The following ANKRD11 variants were observed in gnomAD, a reference collection of about 807,000 sequenced individuals.
ANKRD11 encodes the protein ankyrin repeat domain-containing protein 11.
In ANKRD11, 17 loss-of-function variants were observed where a neutral mutation model predicts 195.7. The observed-to-expected ratio is 0.09, with a 90% CI of 0.06 to 0.13. The LOEUF (loss-of-function observed/expected upper bound fraction) is 0.13, where lower values mean the gene tolerates loss of function less well. Among genes scored for constraint, ANKRD11 ranks in the 10% least tolerant of loss-of-function variants. ANKRD11 has a pLI of 1.00. For missense variants in ANKRD11, 3,735 were observed against 3,566.1 expected (o/e 1.05, Z -1.21); for synonymous variants, 1,953 against 1,528.1 (o/e 1.28, Z -6.49).
chr16:89,423,549 T>C (rs1190754260), intron 1 of ANKRD11, among the ~76,000 whole-genome samples: 1 of 152,234 alleles, frequency 6.6e-6, no homozygotes, highest in African/African-American at 2.4e-5. Context: ...AGGCATGAGA[T>C]GTGTGGTTAG....
chr16:89,322,640 A>G (rs1001994237), intron 2 of ANKRD11, among the ~76,000 whole-genome samples: 3 of 152,174 alleles, frequency 2.0e-5, no homozygotes, highest in African/African-American at 4.8e-5. Context: ...GACAGGATCA[A>G]ACACCAAAGG....
chr16:89,268,779 G>C, intron 12 of ANKRD11, 116 bp from the exon 13 acceptor site: 2 of 1,231,786 alleles, frequency 1.6e-6, no homozygotes, highest in Non-Finnish European at 2.3e-6. Context: ...ACCTACCCTG[G>C]TATGGGCCAG....
At chr16:89,422,872 C>T (rs950192870) in intron 1 of ANKRD11, among the ~76,000 whole-genome samples, 1 of 152,198 alleles carries the variant, frequency 6.6e-6, no homozygotes, top group Non-Finnish European at 1.5e-5. Context: ...ACTTTAATCA[C>T]TTTTTTCTTT....
At chr16:89,271,112 C>A (rs915358807) in intron 11 of ANKRD11, 2 of 624,096 alleles carry the variant, frequency 3.2e-6, no homozygotes, top group Admixed American at 4.4e-5. Flanking sequence ...CTAAAATGCG[C>A]GTGGAGGCAG....
intron 2 of ANKRD11, among the ~76,000 whole-genome samples, chr16:89,371,047 A>T (rs2040170402): frequency 6.6e-6 from 1 of 152,170 alleles, no homozygotes; most frequent in African/African-American, 2.4e-5. Context: ...GCCCCGTCTC[A>T]TGACGAAGGG....
chr16:89,373,479 C>T (rs1275765457), intron 2 of ANKRD11: 2 of 152,312 alleles, frequency 1.3e-5, no homozygotes, highest in Non-Finnish European at 2.9e-5. Context: ...TCCTTCGAGC[C>T]GTGCACGGCC....
chr16:89,322,687 G>A (rs1402689386), intron 2 of ANKRD11, among the ~76,000 whole-genome samples: 2 of 150,804 alleles, frequency 1.3e-5, no homozygotes, highest in Non-Finnish European at 1.5e-5. Context: ...GGAGGGTGGG[G>A]AAGGGGGAGT....
At chr16:89,465,250 G>C (rs1475476583) in intron 1 of ANKRD11, among the ~76,000 whole-genome samples, 2 of 152,138 alleles carry the variant, frequency 1.3e-5, no homozygotes, top group Non-Finnish European at 2.9e-5. Context: ...TATTAAAAGA[G>C]CTTCAAGATG....
chr16:89,268,320 G>A lies in ANKRD11; in HGVS notation c.*158C>T, dbSNP rs373649971. The stretch of plus-strand genomic sequence containing the variant: ...TTTCACCTCCCCGACGTCTGGACCA[G>A]TCTGGAAGGGATGGAGGCGCTGTGG... On this transcript the variant is annotated 3_prime_UTR_variant, in exon 13 of 13. Coordinates refer to ENST00000301030, the MANE Select transcript of ANKRD11 (RefSeq NM_013275.6). 2,993 of 436,626 alleles carry A rather than the reference G, an allele frequency of 6.9e-3. 141 individuals are homozygous for A. In the African/African-American group the frequency reaches 0.1, roughly 15 times the overall value. The allele number at this position is 436,626 out of a possible 1,614,324, so 27.0% of individuals were successfully genotyped here.
At chr16:89,438,522 G>GGGT (rs1449341717) in intron 1 of ANKRD11, among the ~76,000 whole-genome samples, 2 of 152,054 alleles carry the variant, frequency 1.3e-5, no homozygotes, top group Non-Finnish European at 2.9e-5. Flanking sequence ...AGTAGATACA[G>GGGT]GGTTTCACTA....
intron 1 of ANKRD11, among the ~76,000 whole-genome samples, chr16:89,489,634 G>C (rs1185656822): frequency 6.6e-6 from 1 of 151,960 alleles, no homozygotes; most frequent in Non-Finnish European, 1.5e-5. Context: ...CCCTCTCGCG[G>C]GTCAGAGGTC....
chr16:89,375,216 T>G (rs1597830431), intron 2 of ANKRD11, among the ~76,000 whole-genome samples: 2 of 152,224 alleles, frequency 1.3e-5, no homozygotes, highest in East Asian at 3.9e-4. Context: ...GGTATCCGCT[T>G]AAAACACCGT....
At chr16:89,368,402 T>TA (rs2040047220) in intron 2 of ANKRD11, among the ~76,000 whole-genome samples, 1 of 94,764 alleles carries the variant, frequency 1.1e-5, no homozygotes, top group African/African-American at 4.0e-5. Context: ...TTTTTTTTTT[T>TA]AGTAGAGATG....
chr16:89,298,451 T>C (rs1450386441), intron 4 of ANKRD11: 1 of 152,306 alleles, frequency 6.6e-6, no homozygotes, highest in Non-Finnish European at 1.5e-5. Flanking sequence ...CAGAGCTTTA[T>C]GGATGAAAGG....
intron 1 of ANKRD11, among the ~76,000 whole-genome samples, chr16:89,489,789 C>G (rs2057753804): frequency 7.0e-6 from 1 of 141,972 alleles, no homozygotes; most frequent in African/African-American, 2.6e-5. Flanking sequence ...GAGGCCCGCC[C>G]CGGAGCCCCC....
intron 9 of ANKRD11, chr16:89,278,252 G>C (rs1415034924): frequency 2.9e-6 from 1 of 347,118 alleles, no homozygotes; most frequent in Admixed American, 4.0e-5. Flanking sequence ...AGGACAGACG[G>C]GTGGGCTCTG....
intron 1 of ANKRD11, among the ~76,000 whole-genome samples, chr16:89,460,312 A>C (rs2056607011): frequency 6.6e-6 from 1 of 152,112 alleles, no homozygotes; most frequent in Non-Finnish European, 1.5e-5. Flanking sequence ...TTTGGTCATA[A>C]AAATAATAAG....
chr16:89,457,905 C>T (rs1252934114), intron 1 of ANKRD11, among the ~76,000 whole-genome samples: 1 of 152,080 alleles, frequency 6.6e-6, no homozygotes, highest in Non-Finnish European at 1.5e-5. Flanking sequence ...GCCACGCGAA[C>T]CAATACACAA....
chr16:89,439,477 T>C (rs1451078169), intron 1 of ANKRD11, among the ~76,000 whole-genome samples: 1 of 152,156 alleles, frequency 6.6e-6, no homozygotes, highest in African/African-American at 2.4e-5. Context: ...TGCTAAAAAC[T>C]ACACCAAAGA....
Sources: allele counts gnomAD v4.1 joint callset (sites outside exome capture counted in the v4.1 genomes callset), GRCh38; gene constraint gnomAD v4.1.1; transcripts MANE v1.5; gene names NCBI Gene and HGNC (gene_info 2026-07-23, HGNC 2026-07-21).